Variants in SNTG2 observed in about 807,000 individuals in gnomAD.
SNTG2 encodes syntrophin gamma 2, also known as gamma-2-syntrophin.
Under a neutral mutation model 70.9 loss-of-function variants are expected in SNTG2, and 74 were observed. The ratio of observed to expected loss-of-function variants is 1.04; its 90% confidence interval spans 0.86 to 1.27. SNTG2 has a LOEUF of 1.27. Ranked by LOEUF, SNTG2 falls within the 50% of genes most tolerant of loss-of-function variation. The pLI is 0.00. For synonymous variants in SNTG2, 278 were observed against 273.8 expected, an observed-to-expected ratio of 1.02 and a Z score of -0.15; for missense variants, 717 against 690.7, an observed-to-expected ratio of 1.04 and a Z score of -0.43.
At chr2:1,184,131 G>A (rs1397384171) in intron 8 of SNTG2, among the ~76,000 whole-genome samples, 1 of 152,146 alleles carries the variant, frequency 6.6e-6, no homozygotes, top group East Asian at 1.9e-4. Context: ...AGGAGACTAA[G>A]CCAAGGTCAG....
intron 16 of SNTG2, among the ~76,000 whole-genome samples, chr2:1,346,741 A>G (rs1404429741): frequency 1.3e-5 from 2 of 152,200 alleles, no homozygotes; most frequent in Non-Finnish European, 1.5e-5. Context: ...TCAGGCTGAC[A>G]GAATCTCATG....
At chr2:1,091,506 G>A (rs1453389516) in intron 2 of SNTG2, among the ~76,000 whole-genome samples, 2 of 152,208 alleles carry the variant, frequency 1.3e-5, no homozygotes, top group African/African-American at 4.8e-5. Context: ...ATAAGGTCAT[G>A]GCGGCCGGGG....
intron 6 of SNTG2, among the ~76,000 whole-genome samples, chr2:1,150,841 C>T (rs555525225): frequency 6.6e-6 from 1 of 152,098 alleles, no homozygotes; most frequent in South Asian, 2.1e-4. Context: ...GTGGAGGCAG[C>T]TGGGGTCGGC....
intron 1 of SNTG2, among the ~76,000 whole-genome samples, chr2:991,808 C>T (rs541979872): frequency 6.6e-5 from 10 of 152,200 alleles, no homozygotes; most frequent in East Asian, 1.9e-4. Flanking sequence ...AATTCATTCT[C>T]GGTTCATTGT....
chr2:994,926 A>C (rs562476281), intron 1 of SNTG2, among the ~76,000 whole-genome samples: 2 of 151,118 alleles, frequency 1.3e-5, no homozygotes, highest in Non-Finnish European at 3.0e-5. Context: ...ATCCTGCCAC[A>C]TTGCCAAACT....
intron 8 of SNTG2, among the ~76,000 whole-genome samples, chr2:1,189,248 G>T (rs1227688038): frequency 2.0e-5 from 3 of 152,044 alleles, no homozygotes; most frequent in Non-Finnish European, 2.9e-5. Context: ...GAAATGGAAA[G>T]AAATACCATA....
chr2:956,710 T>C (rs1660174617), intron 1 of SNTG2, among the ~76,000 whole-genome samples: 1 of 152,230 alleles, frequency 6.6e-6, no homozygotes, highest in South Asian at 2.1e-4. Context: ...CCCGGGGAAC[T>C]CGGTTCTGCC....
chr2:1,229,493 G>A (rs1428397039), intron 9 of SNTG2, among the ~76,000 whole-genome samples: 1 of 152,212 alleles, frequency 6.6e-6, no homozygotes, highest in Non-Finnish European at 1.5e-5. Context: ...AGACATAAAG[G>A]TTCTCCAAGT....
intron 1 of SNTG2, among the ~76,000 whole-genome samples, chr2:1,021,837 G>A (rs117738599): frequency 6.6e-6 from 1 of 151,180 alleles, no homozygotes; most frequent in East Asian, 2.0e-4. Flanking sequence ...AGGCTGGTCT[G>A]AAACTCCTGG....
At chr2:1,096,059 T>C (rs1665371254) in intron 2 of SNTG2, among the ~76,000 whole-genome samples, 1 of 152,194 alleles carries the variant, frequency 6.6e-6, no homozygotes, top group South Asian at 2.1e-4. Flanking sequence ...TGAGATGCAT[T>C]CTGGCCTGCA....
intron 16 of SNTG2, among the ~76,000 whole-genome samples, chr2:1,322,872 C>T (rs554915922): frequency 6.6e-6 from 1 of 152,126 alleles, no homozygotes; most frequent in African/African-American, 2.4e-5. Context: ...GAATATCCCA[C>T]CCTCCACCTT....
Position 996,673 on chromosome 2 carries a change from G to GTTTTTTTTTTTTTTTTTTTTT in SNTG2, c.72+45616_72+45636dup. The stretch of plus-strand genomic sequence containing the variant: ...ATATTGCTTGTATTTGAGTTACCCA[G>GTTTTTTTTTTTTTTTTTTTTT]TTTTTTTTTTTTTTTTTTTTTTTTT... On this transcript the variant is annotated intron_variant, in intron 1 of 16. Coordinates refer to ENST00000308624, the MANE Select transcript of SNTG2 (RefSeq NM_018968.4). Among the ~76,000 whole-genome samples the GTTTTTTTTTTTTTTTTTTTTT allele has an allele frequency of 9.4e-4, 33 of 35,096 alleles. 9 individuals are homozygous for GTTTTTTTTTTTTTTTTTTTTT. The highest frequency in any genetic ancestry group is 2.5e-3 in the East Asian group (2 of 798). 23.0% of individuals were successfully genotyped at this position (35,096 alleles called of 152,430 possible).
chr2:1,284,901 A>AGAAT (rs112081725), intron 14 of SNTG2, among the ~76,000 whole-genome samples: 61,429 of 148,536 alleles, frequency 0.41, 12,545 homozygotes, highest in Middle Eastern at 0.53. Flanking sequence ...CTACAGGGAC[A>AGAAT]CAATAGGAGA....
At chr2:1,086,699 A>G (rs192293422) in intron 2 of SNTG2, among the ~76,000 whole-genome samples, 1 of 152,302 alleles carries the variant, frequency 6.6e-6, no homozygotes, top group East Asian at 1.9e-4. Context: ...GCAGAAACGG[A>G]CTCACTGACA....
chr2:1,070,095 G>A (rs1006361924), intron 1 of SNTG2, among the ~76,000 whole-genome samples: 26 of 152,012 alleles, frequency 1.7e-4, no homozygotes, highest in African/African-American at 6.3e-4. Context: ...GAAACCATCG[G>A]TGCCAGTGAA....
intron 9 of SNTG2, among the ~76,000 whole-genome samples, chr2:1,230,792 C>T (rs1676168718): frequency 6.6e-6 from 1 of 152,260 alleles, no homozygotes; most frequent in Non-Finnish European, 1.5e-5. Context: ...CCGCTACCTA[C>T]TGTCCTGTAC....
rs375413168 is a variant in SNTG2, at chr2:1,113,338, C to T, written c.325+14928C>T. Among the ~76,000 whole-genome samples, 82 of 150,978 alleles carry T rather than the reference C, an allele frequency of 5.4e-4. 1 individual carries two copies. Among genetic ancestry groups the T allele is most frequent in the Admixed American group, 3.3e-3 (50 of 15,182 alleles). ...ACCCTTACAGTCCTTTGAGAAGGAT[C>T]GTGTGTATTAAGTGAGGTTTAACCC... is the stretch of plus-strand genomic sequence containing the variant. On this transcript the variant is annotated intron_variant, in intron 4 of 16. Coordinates refer to ENST00000308624, the MANE Select transcript of SNTG2 (RefSeq NM_018968.4).
intron 6 of SNTG2, among the ~76,000 whole-genome samples, chr2:1,153,734 T>C (rs1410860208): frequency 2.0e-5 from 3 of 152,218 alleles, no homozygotes; most frequent in Non-Finnish European, 4.4e-5. Context: ...ATGCAGGTTA[T>C]TTAAGGAAAA....
intron 1 of SNTG2, among the ~76,000 whole-genome samples, chr2:977,637 A>AG (rs1350941809): frequency 2.0e-5 from 3 of 152,158 alleles, no homozygotes; most frequent in Non-Finnish European, 4.4e-5. Flanking sequence ...GTCGTAAGTC[A>AG]GGTCTCATCC....
Sources: gnomAD v4.1 joint callset for allele counts (sites outside exome capture counted in the v4.1 genomes callset) on GRCh38, gnomAD v4.1.1 for gene constraint, MANE v1.5 for transcripts, NCBI Gene and HGNC (gene_info 2026-07-23, HGNC 2026-07-21) for gene names.